Variants in KATNIP observed in about 807,000 individuals in gnomAD.
KATNIP encodes the protein katanin-interacting protein.
Under a neutral mutation model 174.0 loss-of-function variants are expected in KATNIP, and 126 were observed. The ratio of observed to expected loss-of-function variants is 0.72; its 90% CI spans 0.63 to 0.84. The LOEUF (loss-of-function observed/expected upper bound fraction) is 0.84, where lower values mean the gene tolerates loss of function less well. Ranked by LOEUF, KATNIP falls within the 40% of genes least tolerant of loss-of-function variation. The pLI, the probability that KATNIP is intolerant of heterozygous loss-of-function variation, is 0.00. For synonymous variants in KATNIP, 810 were observed against 835.7 expected, an observed-to-expected ratio of 0.97 and a Z score of 0.53; for missense variants, 1,958 against 2,109.7, an observed-to-expected ratio of 0.93 and a Z score of 1.41.
intron 21 of KATNIP, among the ~76,000 whole-genome samples, chr16:27,771,143 C>T (rs536320708): frequency 1.3e-5 from 2 of 152,246 alleles, no homozygotes; most frequent in East Asian, 1.9e-4. Context: ...CGTGGACCCT[C>T]CTTGTGTTTA....
intron 2 of KATNIP, among the ~76,000 whole-genome samples, chr16:27,583,100 C>T (rs2090760562): frequency 6.6e-6 from 1 of 152,148 alleles, no homozygotes; most frequent in Non-Finnish European, 1.5e-5. Flanking sequence ...GGCCAAGACT[C>T]CAGTGCCGAA....
chr16:27,635,796 C>T (rs2076616901), intron 5 of KATNIP, among the ~76,000 whole-genome samples: 1 of 152,072 alleles, frequency 6.6e-6, no homozygotes, highest in Non-Finnish European at 1.5e-5. Flanking sequence ...GGTTGTTGGG[C>T]TCATACAGCT....
intron 14 of KATNIP, among the ~76,000 whole-genome samples, chr16:27,722,601 T>C (rs908459974): frequency 2.0e-5 from 3 of 152,214 alleles, no homozygotes; most frequent in African/African-American, 7.2e-5. Flanking sequence ...GAGTTGTACT[T>C]TCCTTTCAAA....
intron 2 of KATNIP, among the ~76,000 whole-genome samples, chr16:27,615,707 G>A (rs572141846): frequency 6.6e-6 from 1 of 152,176 alleles, no homozygotes; most frequent in South Asian, 2.1e-4. Flanking sequence ...GAAAAGGAAT[G>A]CCCATCATTC....
intron 1 of KATNIP, among the ~76,000 whole-genome samples, chr16:27,562,015 T>G (rs940504060): frequency 6.6e-6 from 1 of 152,172 alleles, no homozygotes; most frequent in African/African-American, 2.4e-5. Flanking sequence ...CATAAAGAAA[T>G]CTGTTGTCAG....
chr16:27,591,277 C>T (rs2075154955), intron 2 of KATNIP, among the ~76,000 whole-genome samples: 1 of 152,008 alleles, frequency 6.6e-6, no homozygotes, highest in African/African-American at 2.4e-5. Flanking sequence ...CTCCGCCTCC[C>T]GGGTTCAAGC....
At chr16:27,752,216 G>C (rs981508951) in intron 17 of KATNIP, among the ~76,000 whole-genome samples, 1 of 152,214 alleles carries the variant, frequency 6.6e-6, no homozygotes, top group Middle Eastern at 3.4e-3. Flanking sequence ...TGGCAGTCTG[G>C]GGGGAGTTTT....
intron 13 of KATNIP, among the ~76,000 whole-genome samples, chr16:27,710,961 G>T (rs1466071012): frequency 1.3e-5 from 2 of 152,184 alleles, no homozygotes; most frequent in Non-Finnish European, 2.9e-5. Context: ...CAACTTGCCT[G>T]CCTTCTCTGA....
intron 3 of KATNIP, among the ~76,000 whole-genome samples, chr16:27,627,739 G>A (rs1245042679): frequency 6.6e-6 from 1 of 152,146 alleles, no homozygotes; most frequent in African/African-American, 2.4e-5. Context: ...AATTTGATTG[G>A]CACTTATTTA....
At chr16:27,635,621 A>G (rs1430331309) in intron 5 of KATNIP, among the ~76,000 whole-genome samples, 2 of 151,988 alleles carry the variant, frequency 1.3e-5, no homozygotes. Context: ...AAAAAAATTC[A>G]AGAAGGCTCA....
intron 6 of KATNIP, among the ~76,000 whole-genome samples, chr16:27,672,145 A>G (rs1489623462): frequency 6.6e-6 from 1 of 152,164 alleles, no homozygotes; most frequent in Admixed American, 6.5e-5. Flanking sequence ...CATAGGGCAT[A>G]GAACAAAATC....
chr16:27,777,985 C>T lies in KATNIP; in HGVS notation c.4801+16C>T, dbSNP rs770272121. On this transcript the variant is annotated intron_variant, in intron 27 of 27. Coordinates refer to ENST00000261588, the MANE Select transcript of KATNIP (RefSeq NM_015202.5). The surrounding 1 kb of genome is among the most constrained non-coding windows in gnomAD (Gnocchi z 4.4). ...GTTGACCCAGGTCAGTGGCGTTTCT[C>T]TGCCCAGAGCATTGTGCCTTGGGAG... 2 of 1,611,008 alleles carry T rather than the reference C, an allele frequency of 1.2e-6. No individual in the cohort carries two copies. Among genetic ancestry groups the T allele is most frequent in the East Asian group, 2.2e-5 (1 of 44,864 alleles).
intron 6 of KATNIP, among the ~76,000 whole-genome samples, chr16:27,671,837 C>T (rs1046428791): frequency 6.6e-6 from 1 of 152,126 alleles, no homozygotes; most frequent in Non-Finnish European, 1.5e-5. Context: ...GGGTGGATCA[C>T]CTGAAGTCGG....
intron 1 of KATNIP, among the ~76,000 whole-genome samples, chr16:27,567,465 CA>C (rs2090132772): frequency 6.6e-6 from 1 of 152,158 alleles, no homozygotes; most frequent in Admixed American, 6.5e-5. Flanking sequence ...TCCACCTCTA[CA>C]AAAAGGTAAA....
intron 1 of KATNIP, among the ~76,000 whole-genome samples, chr16:27,564,357 T>C (rs972099739): frequency 7.2e-5 from 11 of 152,162 alleles, no homozygotes; most frequent in Admixed American, 2.6e-4. Context: ...AGAGACGGGC[T>C]GACCCAGAGC....
intron 9 of KATNIP, among the ~76,000 whole-genome samples, chr16:27,698,854 T>G (rs1379735469): frequency 6.6e-6 from 1 of 152,142 alleles, no homozygotes; most frequent in African/African-American, 2.4e-5. Context: ...CCAGCAAAGG[T>G]CTCATTCCCG....
At chr16:27,713,832 A>ATGTGTGTGTGTGTGTG in intron 13 of KATNIP, among the ~76,000 whole-genome samples, 1 of 73,614 alleles carries the variant, frequency 1.4e-5, no homozygotes, top group African/African-American at 6.2e-5. Flanking sequence ...ATATATATAT[A>ATGTGTGTGTGTGTGTG]TATATATATA....
intron 2 of KATNIP, among the ~76,000 whole-genome samples, chr16:27,576,172 A>T (rs913310609): frequency 6.6e-6 from 1 of 152,080 alleles, no homozygotes; most frequent in Non-Finnish European, 1.5e-5. Context: ...ACTAGTTGAG[A>T]TACTCTTCCC....
intron 5 of KATNIP, among the ~76,000 whole-genome samples, chr16:27,635,854 T>C (rs2076619380): frequency 6.6e-6 from 1 of 152,160 alleles, no homozygotes. Context: ...AACAAGATTT[T>C]ATATTAAAAA....
Sources: allele counts gnomAD v4.1 joint callset (sites outside exome capture counted in the v4.1 genomes callset), GRCh38; gene constraint gnomAD v4.1.1; non-coding constraint Gnocchi (gnomAD v3.1); transcripts MANE v1.5; gene names NCBI Gene and HGNC (gene_info 2026-07-23, HGNC 2026-07-21).